The following CDH13 variants were observed in gnomAD, a reference collection of about 807,000 sequenced individuals.
The protein encoded by CDH13 is cadherin 13, also known as cadherin-13.
In CDH13, 24 loss-of-function variants were observed where a neutral mutation model predicts 63.8. The ratio of observed to expected loss-of-function variants is 0.38; its 90% CI spans 0.27 to 0.53. CDH13 has a LOEUF of 0.53. Ranked by LOEUF, CDH13 falls within the 20% of genes least tolerant of loss-of-function variation. The probability of loss-of-function intolerance (pLI) is 0.85; values close to 1 mark genes in which losing one functional copy is unlikely to be tolerated. For synonymous variants in CDH13, 503 were observed against 355.3 expected, an observed-to-expected ratio of 1.42 and a Z score of -4.67; for missense variants, 1,049 against 903.1, an observed-to-expected ratio of 1.16 and a Z score of -2.07.
At chr16:83,075,735 G>A (rs1163771724) in intron 3 of CDH13, among the ~76,000 whole-genome samples, 1 of 152,172 alleles carries the variant, frequency 6.6e-6, no homozygotes, top group Non-Finnish European at 1.5e-5. Context: ...TATCAATCTT[G>A]CTTGGGAATA....
At chr16:83,539,151 A>G (rs543367120) in intron 7 of CDH13, among the ~76,000 whole-genome samples, 23 of 152,172 alleles carry the variant, frequency 1.5e-4, no homozygotes, top group African/African-American at 5.5e-4. Flanking sequence ...GGCACCAGGG[A>G]CCGGTTTTGT....
chr16:83,773,533 A>G (rs1290493805), intron 11 of CDH13, among the ~76,000 whole-genome samples: 1 of 152,160 alleles, frequency 6.6e-6, no homozygotes, highest in Non-Finnish European at 1.5e-5. Context: ...CTCACTCACT[A>G]TCAAGAGAAC....
chr16:82,670,808 C>G (rs568195059), intron 1 of CDH13, among the ~76,000 whole-genome samples: 1 of 152,334 alleles, frequency 6.6e-6, no homozygotes, highest in Middle Eastern at 3.4e-3. Flanking sequence ...TGTTGCATAT[C>G]ATTTCAGAAC....
Position 82,938,394 on chromosome 16 carries a change from T to C in CDH13, c.157+79921T>C, listed in dbSNP as rs114617887. Reference sequence around the variant, plus strand: ...TAAATGATCAATGTTTCTTTTAGATTAGCCCTCTCAAATATCAATGGTCTC... The same window carrying C: ...TAAATGATCAATGTTTCTTTTAGATCAGCCCTCTCAAATATCAATGGTCTC... On this transcript the variant is annotated intron_variant, in intron 2 of 13. Coordinates refer to ENST00000567109, the MANE Select transcript of CDH13 (RefSeq NM_001257.5). Among the ~76,000 whole-genome samples, 1,216 of 152,368 alleles carry C rather than the reference T, an allele frequency of 8.0e-3. 11 individuals carry two copies. The highest frequency in any genetic ancestry group is 0.027 in the African/African-American group (1,137 of 41,586).
chr16:83,518,055 G>A (rs932578466), intron 7 of CDH13, among the ~76,000 whole-genome samples: 62 of 152,186 alleles, frequency 4.1e-4, no homozygotes, highest in African/African-American at 1.4e-3. Context: ...TGTCATAGGA[G>A]GGACCTGGTG....
intron 1 of CDH13, among the ~76,000 whole-genome samples, chr16:82,642,787 C>G (rs1909577337): frequency 6.6e-6 from 1 of 152,178 alleles, no homozygotes; most frequent in African/African-American, 2.4e-5. Flanking sequence ...GCTTCAGATG[C>G]ATTAATCAGC....
At chr16:83,050,360 A>G (rs540086796) in intron 3 of CDH13, among the ~76,000 whole-genome samples, 2 of 152,146 alleles carry the variant, frequency 1.3e-5, no homozygotes, top group African/African-American at 2.4e-5. Context: ...ACTCTTTGAG[A>G]AGTCACCCAA....
At chr16:83,081,215 C>G (rs563573849) in intron 3 of CDH13, among the ~76,000 whole-genome samples, 2 of 152,038 alleles carry the variant, frequency 1.3e-5, no homozygotes, top group South Asian at 2.1e-4. Flanking sequence ...AGTTAGGATT[C>G]AAATCAGTCT....
At chr16:83,591,100 G>A (rs1906700970) in intron 7 of CDH13, among the ~76,000 whole-genome samples, 1 of 151,878 alleles carries the variant, frequency 6.6e-6, no homozygotes, top group Non-Finnish European at 1.5e-5. Flanking sequence ...TAGTAGAGAT[G>A]GGGGTTCACC....
chr16:83,167,320 A>T (rs770356562), intron 4 of CDH13, among the ~76,000 whole-genome samples: 2 of 151,774 alleles, frequency 1.3e-5, no homozygotes, highest in Non-Finnish European at 2.9e-5. Flanking sequence ...AACATGGTGA[A>T]ATCCCGTCTC....
rs1016376939 is a variant in CDH13 at position 83,797,223 on chromosome 16, A to T, written c.*2193A>T. 1 of 152,258 alleles carries T rather than the reference A, an allele frequency of 6.6e-6. No individual in the cohort carries two copies. Among genetic ancestry groups the T allele is most frequent in the Non-Finnish European group, 1.5e-5 (1 of 68,054 alleles). The allele number at this position is 152,258 out of a possible 1,614,324, so 9.4% of individuals were successfully genotyped here. ...CACATATGCTAACTGGCAATCAGGA[A>T]GTCACCCTCCAATGTAAACTTCAGC... On this transcript the variant is annotated 3_prime_UTR_variant, in exon 14 of 14. Coordinates refer to ENST00000567109, the MANE Select transcript of CDH13 (RefSeq NM_001257.5).
At chr16:83,662,516 G>A (rs963653131) in intron 8 of CDH13, among the ~76,000 whole-genome samples, 2 of 152,182 alleles carry the variant, frequency 1.3e-5, no homozygotes, top group African/African-American at 2.4e-5. Context: ...TCTGGGATTT[G>A]CTCCAAACAG....
At chr16:83,338,509 T>TGGCC (rs1027225170) in intron 5 of CDH13, among the ~76,000 whole-genome samples, 16 of 152,378 alleles carry the variant, frequency 1.1e-4, no homozygotes, top group African/African-American at 3.4e-4. Flanking sequence ...CGTCCTCATG[T>TGGCC]GGCCAGACAG....
intron 4 of CDH13, among the ~76,000 whole-genome samples, chr16:83,202,058 T>C (rs1247821125): frequency 6.6e-6 from 1 of 152,218 alleles, no homozygotes; most frequent in Non-Finnish European, 1.5e-5. Flanking sequence ...GCTGTTTTCT[T>C]TGCCAAGGTC....
At chr16:83,243,792 G>T (rs1904712056) in intron 5 of CDH13, among the ~76,000 whole-genome samples, 1 of 152,190 alleles carries the variant, frequency 6.6e-6, no homozygotes, top group Admixed American at 6.5e-5. Context: ...CTTATGGTCA[G>T]TTAGTAAATG....
intron 3 of CDH13, among the ~76,000 whole-genome samples, chr16:83,121,159 G>A (rs984135928): frequency 6.6e-6 from 1 of 152,162 alleles, no homozygotes; most frequent in Non-Finnish European, 1.5e-5. Context: ...GTCTTATACA[G>A]AATCTAGTTT....
chr16:83,031,852 A>T (rs183351000), intron 2 of CDH13, among the ~76,000 whole-genome samples, 158 bp from the exon 3 acceptor site: 1 of 152,306 alleles, frequency 6.6e-6, no homozygotes, highest in East Asian at 1.9e-4. Context: ...GCACAAAGTC[A>T]CTTGGGCACA....
intron 1 of CDH13, among the ~76,000 whole-genome samples, chr16:82,746,454 T>C (rs930180392): frequency 5.3e-5 from 8 of 152,098 alleles, no homozygotes; most frequent in African/African-American, 1.9e-4. Context: ...GAATTTCATA[T>C]TCTCTCCAGG....
intron 1 of CDH13, among the ~76,000 whole-genome samples, chr16:82,700,694 A>C (rs1360679352): frequency 2.6e-5 from 4 of 152,098 alleles, no homozygotes; most frequent in Non-Finnish European, 5.9e-5. Flanking sequence ...TGAGAAGATC[A>C]CAGCTTCTCA....
Sources: gnomAD v4.1 joint callset for allele counts (sites outside exome capture counted in the v4.1 genomes callset) on GRCh38, gnomAD v4.1.1 for gene constraint, MANE v1.5 for transcripts, NCBI Gene and HGNC (gene_info 2026-07-23, HGNC 2026-07-21) for gene names.